SLC24A3: variants seen among roughly 807,000 people sequenced by gnomAD.
The protein encoded by SLC24A3 is sodium/potassium/calcium exchanger 3.
In SLC24A3, 28 loss-of-function variants were observed where a neutral mutation model predicts 75.8. The ratio of observed to expected loss-of-function variants is 0.37; its 90% confidence interval spans 0.27 to 0.51. SLC24A3 has a LOEUF of 0.51. Among genes scored for constraint, SLC24A3 ranks in the 20% least tolerant of loss-of-function variants. SLC24A3 has a pLI of 0.94. For synonymous variants in SLC24A3, 372 were observed against 334.1 expected (o/e 1.11, Z -1.24); for missense variants, 663 against 847.8 (o/e 0.78, Z 2.71).
At position 19,364,505 on chromosome 20, in the gene SLC24A3, G is replaced by C. The variant is rs573042987; in HGVS notation, c.271+83418G>C. Among the ~76,000 whole-genome samples, 89 of 151,892 alleles carry C rather than the reference G, an allele frequency of 5.9e-4. 1 individual carries two copies. The highest frequency in any genetic ancestry group is 2.1e-3 in the African/African-American group (86 of 41,186). ...GGGTGTCACTCTGTCACCCAGGCTG[G>C]AGGGCAGTGGTGCAGTCATGTTTCA... is the stretch of plus-strand genomic sequence containing the variant. On this transcript the variant is annotated intron_variant, in intron 2 of 16. Coordinates refer to ENST00000328041, the MANE Select transcript of SLC24A3 (RefSeq NM_020689.4).
chr20:19,717,766 T>C (rs1030820182), intron 16 of SLC24A3, among the ~76,000 whole-genome samples, 173 bp downstream of exon 16: 3 of 152,148 alleles, frequency 2.0e-5, no homozygotes, highest in African/African-American at 7.2e-5. Flanking sequence ...TAGAACACCT[T>C]CTCCCTTTCT....
intron 9 of SLC24A3, among the ~76,000 whole-genome samples, chr20:19,680,488 C>T (rs758721041): frequency 6.2e-4 from 95 of 152,276 alleles, no homozygotes; most frequent in Middle Eastern, 3.4e-3. Context: ...GTGATGTCTG[C>T]CTTTCTCTGT....
chr20:19,539,958 G>A (rs747381727), intron 3 of SLC24A3, among the ~76,000 whole-genome samples: 3 of 152,182 alleles, frequency 2.0e-5, no homozygotes, highest in Non-Finnish European at 4.4e-5. Context: ...TCTGGAATGA[G>A]AGTCTTCAAG....
At chr20:19,635,015 G>A (rs1022730564) in intron 6 of SLC24A3, among the ~76,000 whole-genome samples, 2 of 152,158 alleles carry the variant, frequency 1.3e-5, no homozygotes, top group Non-Finnish European at 2.9e-5. Flanking sequence ...TGCATGCTAT[G>A]TCATAGACAC....
chr20:19,554,455 A>T (rs1372317536), intron 3 of SLC24A3, among the ~76,000 whole-genome samples: 3 of 152,156 alleles, frequency 2.0e-5, no homozygotes, highest in African/African-American at 7.2e-5. Flanking sequence ...GAAGAGAGAT[A>T]ATATTGTGAT....
At chr20:19,661,972 A>G (rs891037543) in intron 7 of SLC24A3, among the ~76,000 whole-genome samples, 3 of 152,228 alleles carry the variant, frequency 2.0e-5, no homozygotes, top group Non-Finnish European at 4.4e-5. Flanking sequence ...GCCGGTTTCC[A>G]TGGTACCCAG....
intron 12 of SLC24A3, among the ~76,000 whole-genome samples, chr20:19,685,974 T>G (rs1168131632): frequency 1.3e-5 from 2 of 152,194 alleles, no homozygotes; most frequent in Non-Finnish European, 2.9e-5. Flanking sequence ...GTCCATTTCC[T>G]GAGAAAAGAG....
At chr20:19,429,349 A>C (rs1487422290) in intron 2 of SLC24A3, among the ~76,000 whole-genome samples, 1 of 152,230 alleles carries the variant, frequency 6.6e-6, no homozygotes, top group Non-Finnish European at 1.5e-5. Context: ...GAGAAAAGAG[A>C]ATTACACCTT....
chr20:19,695,430 A>G (rs1239361745), intron 13 of SLC24A3: 1 of 151,894 alleles, frequency 6.6e-6, no homozygotes, highest in Non-Finnish European at 1.5e-5. Flanking sequence ...CTCTTTTTCC[A>G]CTTACCTCTT....
At chr20:19,603,625 C>T (rs1163534056) in intron 6 of SLC24A3, among the ~76,000 whole-genome samples, 3 of 152,222 alleles carry the variant, frequency 2.0e-5, no homozygotes, top group African/African-American at 7.2e-5. Context: ...TTTTCTCCAT[C>T]AGAAGAAAGA....
chr20:19,481,487 A>G lies in SLC24A3; in HGVS notation c.272-34001A>G, dbSNP rs115656421. ...TGGCTTTAGACTCAACAGAAATTCC[A>G]TCCCATGAATAGGAGAAGAATCTGG... On this transcript the variant is annotated intron_variant, in intron 2 of 16. Coordinates refer to ENST00000328041, the MANE Select transcript of SLC24A3 (RefSeq NM_020689.4). Among the ~76,000 whole-genome samples the G allele has an allele frequency of 5.4e-3, 829 of 152,340 alleles. 4 individuals carry two copies. The highest frequency in any genetic ancestry group is 0.024 in the Middle Eastern group (7 of 294).
intron 3 of SLC24A3, among the ~76,000 whole-genome samples, chr20:19,578,461 T>C (rs57634004): frequency 0.023 from 3,470 of 152,098 alleles, 72 homozygotes; most frequent in South Asian, 0.086. Context: ...GCTCCAGATG[T>C]GGGGTGTTTA....
At chr20:19,616,451 G>A (rs905555862) in intron 6 of SLC24A3, among the ~76,000 whole-genome samples, 1 of 152,196 alleles carries the variant, frequency 6.6e-6, no homozygotes, top group African/African-American at 2.4e-5. Context: ...CAAACACTTA[G>A]GCAGGGGACA....
chr20:19,296,259 G>T (rs1600416626), intron 2 of SLC24A3, among the ~76,000 whole-genome samples: 1 of 129,428 alleles, frequency 7.7e-6, no homozygotes. Flanking sequence ...TATTAGTCTA[G>T]CTAGTGGTCT....
Position 19,392,735 on chromosome 20 carries a change from C to A in SLC24A3, c.271+111648C>A, listed in dbSNP as rs532420227. 4.6e-5 allele frequency among the ~76,000 whole-genome samples: 7 copies of A among 152,322 alleles called. No homozygotes were observed. In the East Asian group the frequency reaches 1.4e-3, roughly 29 times the overall value. On this transcript the variant is annotated intron_variant, in intron 2 of 16. Coordinates refer to ENST00000328041, the MANE Select transcript of SLC24A3 (RefSeq NM_020689.4). ...TTAAGCCAGAGTGAAAGTGTATCAA[C>A]CATTGACCTGTAACATACAGATCTG...
intron 2 of SLC24A3, among the ~76,000 whole-genome samples, chr20:19,309,270 G>C (rs927241737): frequency 2.0e-5 from 3 of 152,208 alleles, no homozygotes; most frequent in Non-Finnish European, 4.4e-5. Flanking sequence ...AACTTGATCA[G>C]CTTTCCTAAC....
At chr20:19,422,287 T>G (rs1038886670) in intron 2 of SLC24A3, among the ~76,000 whole-genome samples, 2 of 152,148 alleles carry the variant, frequency 1.3e-5, no homozygotes, top group African/African-American at 4.8e-5. Context: ...GTGTTGGGTT[T>G]TTTAAATAAA....
intron 1 of SLC24A3, among the ~76,000 whole-genome samples, chr20:19,221,588 A>G (rs1478175789): frequency 4.6e-5 from 7 of 152,196 alleles, no homozygotes; most frequent in Non-Finnish European, 2.9e-5. Flanking sequence ...CTACACTTAG[A>G]AGATAGTTAG....
chr20:19,521,727 A>G (rs1254962715), intron 3 of SLC24A3, among the ~76,000 whole-genome samples: 1 of 152,126 alleles, frequency 6.6e-6, no homozygotes, highest in East Asian at 1.9e-4. Context: ...TGAAAGAATT[A>G]TTTCCCTGGG....
Sources: allele counts gnomAD v4.1 joint callset (sites outside exome capture counted in the v4.1 genomes callset), GRCh38; gene constraint gnomAD v4.1.1; transcripts MANE v1.5; gene names NCBI Gene and HGNC (gene_info 2026-07-23, HGNC 2026-07-21).